DOCK3: variants seen among roughly 807,000 people sequenced by gnomAD.
DOCK3 encodes dedicator of cytokinesis 3, also known as dedicator of cytokinesis protein 3.
In DOCK3, 60 loss-of-function variants were observed where a neutral mutation model predicts 265.6. The observed-to-expected ratio is 0.23, with a 90% CI of 0.18 to 0.28. The LOEUF (loss-of-function observed/expected upper bound fraction) is 0.28, where lower values mean the gene tolerates loss of function less well. DOCK3 is among the 10% of genes least tolerant of loss of function. DOCK3 has a pLI of 1.00. For missense variants in DOCK3, 1,981 were observed against 2,594.3 expected (o/e 0.76, Z 5.14); for synonymous variants, 881 against 938.0 (o/e 0.94, Z 1.11).
intron 5 of DOCK3, among the ~76,000 whole-genome samples, chr3:50,990,692 C>T (rs945021553): frequency 1.3e-5 from 2 of 152,156 alleles, no homozygotes; most frequent in Non-Finnish European, 2.9e-5. Context: ...GGAAGCCAGT[C>T]TGAGTCCCAA....
intron 5 of DOCK3, among the ~76,000 whole-genome samples, chr3:50,999,816 G>A (rs1467364541): frequency 2.6e-5 from 4 of 152,166 alleles, no homozygotes; most frequent in Admixed American, 2.6e-4. Context: ...TGCAAAGACT[G>A]CATTCCTTGT....
intron 3 of DOCK3, among the ~76,000 whole-genome samples, chr3:50,888,542 C>T (rs1306069857): frequency 1.3e-5 from 2 of 152,078 alleles, no homozygotes; most frequent in South Asian, 2.1e-4. Flanking sequence ...AAGAAGAGCC[C>T]GCATCGCCAA....
At chr3:51,300,636 C>A (rs1313799882) in intron 27 of DOCK3, among the ~76,000 whole-genome samples, 1 of 152,124 alleles carries the variant, frequency 6.6e-6, no homozygotes, top group Non-Finnish European at 1.5e-5. Context: ...TATCAAAGGT[C>A]TTTTCTACAT....
intron 3 of DOCK3, among the ~76,000 whole-genome samples, chr3:50,878,884 T>G (rs545442781): frequency 6.6e-6 from 1 of 152,308 alleles, no homozygotes; most frequent in East Asian, 1.9e-4. Context: ...GAGAGAAAAG[T>G]CGGGTTACCC....
chr3:50,816,116 G>T (rs1164795153), intron 2 of DOCK3, among the ~76,000 whole-genome samples: 1 of 151,790 alleles, frequency 6.6e-6, no homozygotes, highest in East Asian at 1.9e-4. Context: ...TTTTGATTTG[G>T]TTGATCTGTT....
intron 9 of DOCK3, among the ~76,000 whole-genome samples, chr3:51,106,952 C>CCAA (rs1169174847): frequency 6.6e-6 from 1 of 152,246 alleles, no homozygotes; most frequent in East Asian, 1.9e-4. Flanking sequence ...GTTGGCACCA[C>CCAA]CCAGCAGAGT....
At chr3:50,890,344 T>C (rs1174137863) in intron 4 of DOCK3, among the ~76,000 whole-genome samples, 1 of 152,118 alleles carries the variant, frequency 6.6e-6, no homozygotes, top group Non-Finnish European at 1.5e-5. Context: ...AAAAATTATG[T>C]ACTATTTTGA....
intron 3 of DOCK3, among the ~76,000 whole-genome samples, chr3:50,874,865 A>G (rs1489065045): frequency 6.6e-6 from 1 of 152,128 alleles, no homozygotes; most frequent in Non-Finnish European, 1.5e-5. Context: ...CTCTAAATAT[A>G]AGATCATTGT....
At chr3:51,367,606 C>T (rs1340799357) in intron 49 of DOCK3, among the ~76,000 whole-genome samples, 4 of 152,172 alleles carry the variant, frequency 2.6e-5, no homozygotes, top group African/African-American at 9.7e-5. Context: ...TACAATTTGG[C>T]ATGTTTTTGC....
At chr3:50,835,465 A>G (rs1040158575) in intron 2 of DOCK3, among the ~76,000 whole-genome samples, 3 of 152,248 alleles carry the variant, frequency 2.0e-5, no homozygotes, top group African/African-American at 2.4e-5. Flanking sequence ...TCAAAGTTAT[A>G]TAGCTGACTA....
chr3:51,060,513 T>C (rs2081374289), intron 5 of DOCK3, among the ~76,000 whole-genome samples: 1 of 152,168 alleles, frequency 6.6e-6, no homozygotes, highest in African/African-American at 2.4e-5. Flanking sequence ...TCTTCTAGGG[T>C]TTTTATGGTT....
chr3:51,176,746 A>G (rs1373688597), intron 12 of DOCK3, among the ~76,000 whole-genome samples: 2 of 152,218 alleles, frequency 1.3e-5, no homozygotes, highest in Non-Finnish European at 2.9e-5. Flanking sequence ...AAGGCAATCT[A>G]AGACAGAAAA....
At chr3:51,247,325 G>C (rs2078888872) in intron 22 of DOCK3, among the ~76,000 whole-genome samples, 1 of 152,198 alleles carries the variant, frequency 6.6e-6, no homozygotes, top group Non-Finnish European at 1.5e-5. Context: ...ACCATTGTCA[G>C]CATCCCTGCT....
intron 10 of DOCK3, among the ~76,000 whole-genome samples, chr3:51,150,240 A>C (rs1447935382): frequency 6.6e-6 from 1 of 151,232 alleles, no homozygotes; most frequent in Non-Finnish European, 1.5e-5. Context: ...TTTCTTTATT[A>C]GTCTTGCTAG....
intron 5 of DOCK3, among the ~76,000 whole-genome samples, chr3:50,935,955 A>G (rs2051337002): frequency 6.6e-6 from 1 of 152,226 alleles, no homozygotes. Flanking sequence ...TCAGGAAAAT[A>G]GAAACTCAAC....
Position 51,374,364 on chromosome 3 carries a change from T to C in DOCK3, c.5294-105T>C. On this transcript the variant is annotated intron_variant, in intron 49 of 52. Coordinates refer to ENST00000266037, the MANE Select transcript of DOCK3 (RefSeq NM_004947.5). This position sits in a 1 kb window ranked among gnomAD's most constrained non-coding sequence, Gnocchi z 4.8. The stretch of plus-strand genomic sequence containing the variant: ...TTGCTGAGTTCATCCTCACCCTAAC[T>C]GTAAGGGACACCTACCCTGGTTCCC... 2 of 1,034,360 alleles carry C rather than the reference T, an allele frequency of 1.9e-6. No homozygotes were observed. Among genetic ancestry groups the C allele is most frequent in the South Asian group, 1.4e-5 (1 of 69,472 alleles). 64.1% of individuals were successfully genotyped at this position (1,034,360 alleles called of 1,614,324 possible). A position where few individuals can be genotyped will look rare whatever the true frequency, so the allele number is the denominator to read the frequency against.
intron 5 of DOCK3, among the ~76,000 whole-genome samples, chr3:51,016,575 T>TTA (rs1559944326): frequency 3.2e-5 from 3 of 94,282 alleles, no homozygotes; most frequent in Admixed American, 1.7e-4. Context: ...ATATATATAT[T>TTA]TATATATATC....
chr3:51,240,658 G>C (rs1369575325), intron 21 of DOCK3, among the ~76,000 whole-genome samples: 1 of 152,088 alleles, frequency 6.6e-6, no homozygotes, highest in East Asian at 1.9e-4. Flanking sequence ...AGGTCTTCTT[G>C]TTGAACTCTT....
chr3:50,900,234 A>G (rs905120394), intron 4 of DOCK3, among the ~76,000 whole-genome samples: 12 of 152,078 alleles, frequency 7.9e-5, no homozygotes, highest in Admixed American at 6.6e-5. Flanking sequence ...TTGATCTTCA[A>G]TCTCTGATAT....
Sources: gnomAD v4.1 joint callset for allele counts (sites outside exome capture counted in the v4.1 genomes callset) on GRCh38, gnomAD v4.1.1 for gene constraint, Gnocchi (gnomAD v3.1) non-coding constraint, MANE v1.5 for transcripts, NCBI Gene and HGNC (gene_info 2026-07-23, HGNC 2026-07-21) for gene names.